Variants in CHMP4B observed in about 807,000 individuals in gnomAD.
The protein encoded by CHMP4B is charged multivesicular body protein 4B, also known as SNF7 homolog associated with Alix 1.
A neutral mutation model predicts 25.1 loss-of-function variants in CHMP4B; 1 was observed. That is an observed-to-expected ratio of 0.04 (90% CI 0.01 to 0.19). CHMP4B has a LOEUF of 0.19. Among genes scored for constraint, CHMP4B ranks in the 10% least tolerant of loss-of-function variants. CHMP4B has a pLI of 1.00. For missense variants in CHMP4B, 151 were observed against 289.7 expected (o/e 0.52, Z 3.48); for synonymous variants, 101 against 115.6 (o/e 0.87, Z 0.81).
intron 1 of CHMP4B, among the ~76,000 whole-genome samples, chr20:33,812,490 G>GT (rs1408312666): frequency 6.6e-6 from 1 of 152,206 alleles, no homozygotes; most frequent in Non-Finnish European, 1.5e-5. Context: ...GAATCTTGAG[G>GT]CACTGCTTAC....
chr20:33,835,697 C>A (rs1323650868), intron 1 of CHMP4B, among the ~76,000 whole-genome samples: 1 of 152,114 alleles, frequency 6.6e-6, no homozygotes, highest in Non-Finnish European at 1.5e-5. Context: ...TAAAGAAATA[C>A]CAGAGGCTGG....
chr20:33,831,430 G>T (rs1030778872), intron 1 of CHMP4B, among the ~76,000 whole-genome samples: 2 of 149,666 alleles, frequency 1.3e-5, no homozygotes, highest in African/African-American at 4.9e-5. Flanking sequence ...AGGTTTCGCT[G>T]TGTTGGCCAG....
chr20:33,816,066 G>A (rs961018208), intron 1 of CHMP4B, among the ~76,000 whole-genome samples: 4 of 152,254 alleles, frequency 2.6e-5, no homozygotes, highest in Non-Finnish European at 4.4e-5. Flanking sequence ...AGCTTGAGTA[G>A]AGTATTTGCA....
rs973411398 is a variant in CHMP4B at position 33,854,304 on chromosome 20, C to T, written c.*744C>T. On this transcript the variant is annotated 3_prime_UTR_variant, in exon 5 of 5. Coordinates refer to ENST00000217402, the MANE Select transcript of CHMP4B (RefSeq NM_176812.5). ...AGATAACTCATTGGAAACGTGCATA[C>T]ATTTATATTCAGATGAAATTATGGT... The T allele has an allele frequency of 6.6e-4, 101 of 153,008 alleles. No individual in the cohort carries two copies. The highest frequency in any genetic ancestry group is 1.6e-4 in the Non-Finnish European group (11 of 68,322). 9.5% of individuals were successfully genotyped at this position (153,008 alleles called of 1,614,324 possible). A position where few individuals can be genotyped will look rare whatever the true frequency, so the allele number is the denominator to read the frequency against.
At chr20:33,839,443 G>C (rs1979475010) in intron 1 of CHMP4B, among the ~76,000 whole-genome samples, 2 of 152,174 alleles carry the variant, frequency 1.3e-5, no homozygotes, top group African/African-American at 4.8e-5. Flanking sequence ...AAACTTTCCA[G>C]CTATGTAGAG....
chr20:33,815,718 T>C (rs758731480), intron 1 of CHMP4B, among the ~76,000 whole-genome samples: 5 of 152,154 alleles, frequency 3.3e-5, no homozygotes, highest in African/African-American at 1.2e-4. Context: ...AAAACAATCT[T>C]GTGGGTAAGT....
chr20:33,832,187 C>G (rs188491517), intron 1 of CHMP4B, among the ~76,000 whole-genome samples: 2 of 152,188 alleles, frequency 1.3e-5, no homozygotes, highest in African/African-American at 4.8e-5. Context: ...CCAGGGTGCT[C>G]TCATGCTTGC....
intron 1 of CHMP4B, among the ~76,000 whole-genome samples, chr20:33,821,505 G>A (rs1978940669): frequency 6.6e-6 from 1 of 152,160 alleles, no homozygotes; most frequent in Non-Finnish European, 1.5e-5. Context: ...GAGGTTTGGA[G>A]AGGAGTTGCT....
intron 1 of CHMP4B, among the ~76,000 whole-genome samples, chr20:33,838,295 G>A (rs1340570666): frequency 6.6e-6 from 1 of 152,186 alleles, no homozygotes. Flanking sequence ...TGTAAGATTA[G>A]TGTCAGGTGT....
In CHMP4B at chr20:33,815,334, G is replaced by T. The variant is rs1233036682; in HGVS notation, c.190+3676G>T. 3.9e-5 allele frequency among the ~76,000 whole-genome samples: 6 copies of T among 152,212 alleles called. No homozygotes were observed. In the East Asian group the frequency reaches 9.6e-4, roughly 24 times the overall value. Reference sequence around the variant, plus strand: ...TTCAGGTGAGAATAAAGGGCCTAGTGTAGAAGCATGGGAAACTGGAAGAGA... The same window carrying T: ...TTCAGGTGAGAATAAAGGGCCTAGTTTAGAAGCATGGGAAACTGGAAGAGA... On this transcript the variant is annotated intron_variant, in intron 1 of 4. Transcript: ENST00000217402.
chr20:33,840,261 G>T (rs2078990397), intron 1 of CHMP4B, among the ~76,000 whole-genome samples: 1 of 151,518 alleles, frequency 6.6e-6, no homozygotes, highest in Non-Finnish European at 1.5e-5. Flanking sequence ...AAAAAAAGGG[G>T]GGGGACAGGA....
At chr20:33,841,189 G>A (rs1476859973) in intron 1 of CHMP4B, among the ~76,000 whole-genome samples, 1 of 152,174 alleles carries the variant, frequency 6.6e-6, no homozygotes, top group Non-Finnish European at 1.5e-5. Context: ...CCCTTGCAGT[G>A]AGTACTGTAC....
At chr20:33,830,933 G>GTTTTTTTTCTTT (rs1555792009) in intron 1 of CHMP4B, among the ~76,000 whole-genome samples, 1 of 102,524 alleles carries the variant, frequency 9.8e-6, no homozygotes, top group African/African-American at 3.7e-5. Flanking sequence ...AAGGAACAGA[G>GTTTTTTTTCTTT]TTTTTTTTTT....
intron 1 of CHMP4B, among the ~76,000 whole-genome samples, chr20:33,843,655 G>C (rs1412200558): frequency 6.6e-6 from 1 of 152,178 alleles, no homozygotes; most frequent in South Asian, 2.1e-4. Flanking sequence ...CAGAAATAAG[G>C]TTGGCATGGA....
intron 1 of CHMP4B, among the ~76,000 whole-genome samples, chr20:33,826,619 G>A (rs1979101497): frequency 6.6e-6 from 1 of 152,150 alleles, no homozygotes; most frequent in Admixed American, 6.5e-5. Flanking sequence ...GGAATGAGGT[G>A]TATCTGGGGA....
At chr20:33,822,531 A>G (rs1017547761) in intron 1 of CHMP4B, among the ~76,000 whole-genome samples, 1 of 152,222 alleles carries the variant, frequency 6.6e-6, no homozygotes, top group African/African-American at 2.4e-5. Flanking sequence ...CATAGGCAGC[A>G]TGTCATCGCA....
chr20:33,846,780 A>T (rs1038672216), intron 1 of CHMP4B, among the ~76,000 whole-genome samples: 3 of 152,118 alleles, frequency 2.0e-5, no homozygotes, highest in East Asian at 1.9e-4. Context: ...ACTCCAGGAC[A>T]TGGGGGAGTG....
chr20:33,825,976 T>C (rs1213550369), intron 1 of CHMP4B, among the ~76,000 whole-genome samples: 3 of 152,170 alleles, frequency 2.0e-5, no homozygotes, highest in Non-Finnish European at 4.4e-5. Flanking sequence ...AAAAAGGTTG[T>C]TAAGTTCCAC....
At chr20:33,811,740 C>T in intron 1 of CHMP4B, 82 bp downstream of exon 1, 3 of 1,413,116 alleles carry the variant, frequency 2.1e-6, no homozygotes, top group East Asian at 4.8e-5. Context: ...ATCAGACTCG[C>T]CTCGGGGTCT....
Sources: gnomAD v4.1 joint callset for allele counts (sites outside exome capture counted in the v4.1 genomes callset) on GRCh38, gnomAD v4.1.1 for gene constraint, MANE v1.5 for transcripts, NCBI Gene and HGNC (gene_info 2026-07-23, HGNC 2026-07-21) for gene names.